IPCEF1: variants seen among roughly 807,000 people sequenced by gnomAD.
IPCEF1 encodes the protein interactor protein for cytohesin exchange factors 1.
IPCEF1 carries 31 observed loss-of-function variants against 50.9 expected under a neutral mutation model. That is an observed-to-expected ratio of 0.61 (90% CI 0.46 to 0.82). The LOEUF is 0.82. Ranked by LOEUF, IPCEF1 falls within the 40% of genes least tolerant of loss-of-function variation. The pLI is 0.00. For missense variants in IPCEF1, 458 were observed against 514.0 expected (o/e 0.89, Z 1.05); for synonymous variants, 181 against 192.0 (o/e 0.94, Z 0.47).
chr6:154,325,802 C>A (rs1252079983), intron 1 of IPCEF1, among the ~76,000 whole-genome samples: 1 of 152,138 alleles, frequency 6.6e-6, no homozygotes, highest in Non-Finnish European at 1.5e-5. Flanking sequence ...TATAAAATCA[C>A]TACTCTAGAA....
At chr6:154,208,117 C>A (rs2128600971) in intron 9 of IPCEF1, among the ~76,000 whole-genome samples, 1 of 152,208 alleles carries the variant, frequency 6.6e-6, no homozygotes, top group Non-Finnish European at 1.5e-5. Flanking sequence ...TGATTATATC[C>A]CTCCTCTGCT....
At chr6:154,317,957 A>G (rs922103447) in intron 1 of IPCEF1, among the ~76,000 whole-genome samples, 1 of 152,268 alleles carries the variant, frequency 6.6e-6, no homozygotes, top group African/African-American at 2.4e-5. Flanking sequence ...ATAGGAACAG[A>G]TAAACAAATT....
intron 2 of IPCEF1, among the ~76,000 whole-genome samples, chr6:154,272,397 AC>A (rs1484779610): frequency 6.6e-6 from 1 of 152,238 alleles, no homozygotes; most frequent in Non-Finnish European, 1.5e-5. Context: ...CTAACCAATG[AC>A]ATTTTTGGTG....
intron 10 of IPCEF1, among the ~76,000 whole-genome samples, chr6:154,181,425 G>C (rs897385737): frequency 2.6e-5 from 4 of 152,144 alleles, no homozygotes; most frequent in Non-Finnish European, 5.9e-5. Context: ...AATTCACAAA[G>C]AGACAAACCT....
At chr6:154,261,265 G>T (rs1583917272) in intron 3 of IPCEF1, among the ~76,000 whole-genome samples, 1 of 152,222 alleles carries the variant, frequency 6.6e-6, no homozygotes, top group East Asian at 1.9e-4. Context: ...GGCCTCAAGT[G>T]ATCTTCCCAC....
At chr6:154,263,123 T>C (rs1781645304) in intron 3 of IPCEF1, among the ~76,000 whole-genome samples, 2 of 152,160 alleles carry the variant, frequency 1.3e-5, no homozygotes, top group Admixed American at 1.3e-4. Flanking sequence ...ATTTTCATTT[T>C]TGTTACTCTG....
At chr6:154,232,250 A>G (rs934151261) in intron 5 of IPCEF1, among the ~76,000 whole-genome samples, 2 of 152,238 alleles carry the variant, frequency 1.3e-5, no homozygotes, top group Admixed American at 6.5e-5. Flanking sequence ...TGTGACAAGC[A>G]CTGCACCAAA....
In IPCEF1 at chr6:154,178,487, C is replaced by T. The variant is rs528944617; in HGVS notation, c.911-10374G>A. 2.4e-3 allele frequency among the ~76,000 whole-genome samples: 358 copies of T among 152,074 alleles called. 1 individual carries two copies. Among genetic ancestry groups the T allele is most frequent in the African/African-American group, 8.5e-3 (351 of 41,504 alleles). On this transcript the variant is annotated intron_variant, in intron 10 of 11. Coordinates refer to ENST00000367220, the MANE Select transcript of IPCEF1 (RefSeq NM_001130700.2). ...TATATGACCTTTATGTTAAAAATAT[C>T]GAAGGGTATCTTCCTCCCCCTCTTC...
intron 1 of IPCEF1, among the ~76,000 whole-genome samples, chr6:154,319,520 G>C (rs1269209101): frequency 3.9e-5 from 6 of 152,190 alleles, no homozygotes; most frequent in Non-Finnish European, 8.8e-5. Context: ...GAAAACAGAA[G>C]ATGATCCCCC....
At chr6:154,345,764 T>C (rs2499645) in intron 1 of IPCEF1, among the ~76,000 whole-genome samples, 70,340 of 152,064 alleles carry the variant, frequency 0.46, 16,735 homozygotes, top group Non-Finnish European at 0.53. Flanking sequence ...AAAACTTTGG[T>C]TACTGTACCC....
intron 1 of IPCEF1, among the ~76,000 whole-genome samples, chr6:154,317,288 G>T (rs538495110): frequency 6.6e-6 from 1 of 151,974 alleles, no homozygotes. Context: ...AATGGCTCAC[G>T]CTTGTAATCC....
At chr6:154,330,325 CTT>C (rs138406253) in intron 1 of IPCEF1, among the ~76,000 whole-genome samples, 1,934 of 89,148 alleles carry the variant, frequency 0.022, 53 homozygotes, top group African/African-American at 0.058. Flanking sequence ...ATTATAGCCT[CTT>C]TTTTTTTTTT....
rs10644644 is a variant in IPCEF1 at position 154,256,537 on chromosome 6, G to GTCTCTCTC, written c.37-9057_37-9050dup. Among the ~76,000 whole-genome samples, 237 of 146,196 alleles carry GTCTCTCTC rather than the reference G, an allele frequency of 1.6e-3. 3 individuals are homozygous for GTCTCTCTC. The highest frequency in any genetic ancestry group is 5.5e-3 in the African/African-American group (217 of 39,734). Reference sequence around the variant, plus strand: ...TCTTTCTCTCTGTGTCTCTGTCTCCGTCTCTCTCTCTCTCTCTCTCTCTCT... The same window carrying GTCTCTCTC: ...TCTTTCTCTCTGTGTCTCTGTCTCCGTCTCTCTCTCTCTCTCTCTCTCTCTCTCTCTCT... On this transcript the variant is annotated intron_variant, in intron 3 of 11. Coordinates refer to ENST00000367220, the MANE Select transcript of IPCEF1 (RefSeq NM_001130700.2).
intron 9 of IPCEF1, among the ~76,000 whole-genome samples, chr6:154,204,596 T>C (rs1446875340): frequency 6.6e-6 from 1 of 152,182 alleles, no homozygotes; most frequent in Non-Finnish European, 1.5e-5. Context: ...ACCTTCTGCA[T>C]GACCTTGGGC....
intron 1 of IPCEF1, among the ~76,000 whole-genome samples, chr6:154,343,550 T>G (rs12525073): frequency 0.31 from 47,352 of 151,908 alleles, 9,789 homozygotes; most frequent in African/African-American, 0.59. Context: ...TCCCACCATT[T>G]CTCCATGTTG....
At chr6:154,170,695 CT>C (rs1799802046) in intron 10 of IPCEF1, among the ~76,000 whole-genome samples, 1 of 152,176 alleles carries the variant, frequency 6.6e-6, no homozygotes, top group East Asian at 1.9e-4. Flanking sequence ...TGAAAAGATG[CT>C]CAGTATCATC....
chr6:154,238,439 A>G (rs574071818), intron 5 of IPCEF1, among the ~76,000 whole-genome samples: 1 of 151,976 alleles, frequency 6.6e-6, no homozygotes, highest in Non-Finnish European at 1.5e-5. Flanking sequence ...ATATATATAT[A>G]TATTTTAATA....
intron 1 of IPCEF1, among the ~76,000 whole-genome samples, chr6:154,313,427 G>A (rs1053775119): frequency 1.3e-5 from 2 of 151,684 alleles, no homozygotes; most frequent in African/African-American, 2.4e-5. Context: ...TTCTTAGAGA[G>A]TTTAAACAAT....
At chr6:154,264,663 C>T (rs910469138) in intron 3 of IPCEF1, among the ~76,000 whole-genome samples, 1 of 149,788 alleles carries the variant, frequency 6.7e-6, no homozygotes, top group African/African-American at 2.4e-5. Flanking sequence ...CGTGAACTAC[C>T]GTACCCAGCC....
Sources: gnomAD v4.1 joint callset for allele counts (sites outside exome capture counted in the v4.1 genomes callset) on GRCh38, gnomAD v4.1.1 for gene constraint, MANE v1.5 for transcripts, NCBI Gene and HGNC (gene_info 2026-07-23, HGNC 2026-07-21) for gene names.